Variants in ZNF568 observed in about 807,000 individuals in gnomAD.
ZNF568 encodes the protein p53 inhibitor of SCO2 activation.
In ZNF568, 11 loss-of-function variants were observed where a neutral mutation model predicts 18.1. The ratio of observed to expected loss-of-function variants is 0.61; its 90% CI spans 0.38 to 1.00. The LOEUF (loss-of-function observed/expected upper bound fraction) is 1.00, where lower values mean the gene tolerates loss of function less well. Ranked by LOEUF, ZNF568 falls within the 50% of genes least tolerant of loss-of-function variation. The pLI, the probability that ZNF568 is intolerant of heterozygous loss-of-function variation, is 0.01. For missense variants in ZNF568, 639 were observed against 768.2 expected (o/e 0.83, Z 1.99); for synonymous variants, 213 against 246.6 (o/e 0.86, Z 1.28).
intron 2 of ZNF568, 107 bp from the exon 3 acceptor site, chr19:36,922,479 A>G (rs968261146): frequency 6.6e-6 from 2 of 302,676 alleles, no homozygotes; most frequent in East Asian, 5.9e-5. Flanking sequence ...CTACAAAGGC[A>G]TGAATACCAG....
At chr19:36,963,920 T>C (rs1340771542) in intron 6 of ZNF568, among the ~76,000 whole-genome samples, 5 of 141,538 alleles carry the variant, frequency 3.5e-5, no homozygotes, top group Non-Finnish European at 7.5e-5. Context: ...TGAGCCGAGA[T>C]TGTGCCACTG....
At chr19:36,963,597 G>A (rs2074171206) in intron 6 of ZNF568, among the ~76,000 whole-genome samples, 1 of 152,134 alleles carries the variant, frequency 6.6e-6, no homozygotes, top group African/African-American at 2.4e-5. Context: ...AAATGAATTT[G>A]GCAGAGGGCT....
chr19:36,993,787 CTTTT>C (rs1477338811), intron 4 of ZNF568, among the ~76,000 whole-genome samples: 1 of 152,058 alleles, frequency 6.6e-6, no homozygotes, highest in Non-Finnish European at 1.5e-5. Flanking sequence ...AGACTTCTCT[CTTTT>C]TTTGTTGGTC....
chr19:36,948,738 C>T (rs2074009166), intron 6 of ZNF568, among the ~76,000 whole-genome samples: 2 of 124,256 alleles, frequency 1.6e-5, no homozygotes, highest in South Asian at 5.5e-4. Flanking sequence ...GTTGTTGTTT[C>T]GTTTTTCCTT....
At chr19:36,976,045 T>C (rs1260040388) in intron 7 of ZNF568, among the ~76,000 whole-genome samples, 2 of 152,128 alleles carry the variant, frequency 1.3e-5, no homozygotes, top group Non-Finnish European at 2.9e-5. Context: ...CTCCGGATAG[T>C]TTTTCAAGAT....
At chr19:36,983,360 T>C (rs1361407734), downstream of ZNF568, among the ~76,000 whole-genome samples, 8 of 152,194 alleles carry the variant, frequency 5.3e-5, no homozygotes, top group Admixed American at 2.6e-4. Context: ...GCAAGGCCAC[T>C]CTTCAGATTA....
At chr19:36,954,397 G>T (rs954611633), downstream of ZNF568, among the ~76,000 whole-genome samples, 4 of 152,090 alleles carry the variant, frequency 2.6e-5, no homozygotes, top group Non-Finnish European at 5.9e-5. Context: ...ATTGTTATTA[G>T]GTATTTTTGA....
downstream of ZNF568, among the ~76,000 whole-genome samples, chr19:36,981,100 T>C (rs776754131): frequency 6.6e-6 from 1 of 152,210 alleles, no homozygotes; most frequent in Non-Finnish European, 1.5e-5. Context: ...AGTCCTCCTT[T>C]CTATGTACTT....
intron 6 of ZNF568, among the ~76,000 whole-genome samples, chr19:36,959,950 T>G (rs1234652920): frequency 3.3e-5 from 5 of 152,020 alleles, no homozygotes; most frequent in Non-Finnish European, 7.4e-5. Flanking sequence ...ATAACCAACT[T>G]TTCATTTTGT....
intron 6 of ZNF568, 32 bp downstream of exon 6, chr19:36,937,274 A>C (rs1407473536): frequency 6.3e-7 from 1 of 1,578,114 alleles, no homozygotes; most frequent in Non-Finnish European, 8.7e-7. Context: ...CTGAATGAGA[A>C]AGCCACATGA....
At chr19:36,970,780 A>C (rs2146331044) in intron 6 of ZNF568, among the ~76,000 whole-genome samples, 1 of 152,306 alleles carries the variant, frequency 6.6e-6, no homozygotes, top group African/African-American at 2.4e-5. Flanking sequence ...GTACCTTTTT[A>C]ATTGTACATA....
At chr19:36,925,349 A>G in intron 4 of ZNF568, 91 bp downstream of exon 4, 1 of 1,149,454 alleles carries the variant, frequency 8.7e-7, no homozygotes, top group Non-Finnish European at 1.3e-6. Flanking sequence ...GGAAAAAATA[A>G]ATTGATGAAA....
At chr19:36,991,540 GAAGTGGAAATGAATGGTT>G in intron 3 of ZNF568, 1 of 646,694 alleles carries the variant, frequency 1.5e-6, no homozygotes, top group Admixed American at 3.3e-5. Flanking sequence ...GTGATTTGAT[GAAGTGGAAATGAATGGTT>G]AAGTGGAATC....
At chr19:36,922,888 C>T (rs1273830579) in intron 3 of ZNF568, 42 bp downstream of exon 3, 1 of 1,583,170 alleles carries the variant, frequency 6.3e-7, no homozygotes, top group African/African-American at 1.3e-5. Flanking sequence ...GAGAGAAAGG[C>T]TCTACATTTG....
At chr19:36,946,146 T>C (rs1247032562) in intron 6 of ZNF568, among the ~76,000 whole-genome samples, 1 of 151,968 alleles carries the variant, frequency 6.6e-6, no homozygotes, top group East Asian at 1.9e-4. Context: ...ATAAAAATGG[T>C]TATCTATAGG....
chr19:36,933,284 A>T (rs1399675479), intron 4 of ZNF568, among the ~76,000 whole-genome samples: 1 of 151,742 alleles, frequency 6.6e-6, no homozygotes, highest in Admixed American at 6.6e-5. Flanking sequence ...TGAAAAGACT[A>T]TTCTCTTCCC....
intron 6 of ZNF568, among the ~76,000 whole-genome samples, chr19:36,938,870 A>G (rs950123115): frequency 1.3e-5 from 2 of 152,166 alleles, no homozygotes; most frequent in Admixed American, 1.3e-4. Context: ...ATCAATCAGT[A>G]TCAGTTTTTC....
intron 6 of ZNF568, among the ~76,000 whole-genome samples, chr19:36,965,910 G>A (rs2074190993): frequency 6.6e-6 from 1 of 151,714 alleles, no homozygotes; most frequent in Non-Finnish European, 1.5e-5. Context: ...ATGTTGGCCA[G>A]GGTGGTCTCA....
At chr19:36,925,134 C>G in intron 3 of ZNF568, 66 bp from the exon 4 acceptor site, 1 of 1,475,230 alleles carries the variant, frequency 6.8e-7, no homozygotes, top group South Asian at 1.1e-5. Context: ...CCACCTGGTA[C>G]TGAAGATTTC....
Sources: allele counts gnomAD v4.1 joint callset (sites outside exome capture counted in the v4.1 genomes callset), GRCh38; gene constraint gnomAD v4.1.1; transcripts MANE v1.5; gene names NCBI Gene and HGNC (gene_info 2026-07-23, HGNC 2026-07-21).